Variants in SPAG16 observed in about 807,000 individuals in gnomAD.
SPAG16 encodes the protein sperm-associated antigen 16 protein.
SPAG16 carries 86 observed loss-of-function variants against 80.4 expected under a neutral mutation model. That is an observed-to-expected ratio of 1.07 (90% CI 0.90 to 1.28). SPAG16 has a LOEUF of 1.28. Ranked by LOEUF, SPAG16 falls within the 50% of genes most tolerant of loss-of-function variation. The pLI, the probability that SPAG16 is intolerant of heterozygous loss-of-function variation, is 0.00. For synonymous variants in SPAG16, 294 were observed against 265.9 expected, an observed-to-expected ratio of 1.11 and a Z score of -1.03; for missense variants, 870 against 765.3, an observed-to-expected ratio of 1.14 and a Z score of -1.61.
At chr2:214,399,859 T>C (rs757182323) in intron 15 of SPAG16, among the ~76,000 whole-genome samples, 1 of 152,092 alleles carries the variant, frequency 6.6e-6, no homozygotes. Flanking sequence ...TCCTCTGTTA[T>C]CAGCAAAAGC....
chr2:213,951,488 C>A (rs1315990403), intron 12 of SPAG16, among the ~76,000 whole-genome samples: 2 of 152,014 alleles, frequency 1.3e-5, no homozygotes, highest in Non-Finnish European at 2.9e-5. Context: ...CTCCTGTTCT[C>A]AATTTAAATA....
intron 12 of SPAG16, among the ~76,000 whole-genome samples, chr2:214,012,833 T>C (rs894877922): frequency 1.4e-4 from 21 of 152,222 alleles, no homozygotes; most frequent in Admixed American, 6.5e-5. Flanking sequence ...TATCCCTTTC[T>C]TCTGGGTCAT....
At chr2:213,482,541 T>C (rs1056151312) in intron 9 of SPAG16, among the ~76,000 whole-genome samples, 1 of 152,290 alleles carries the variant, frequency 6.6e-6, no homozygotes, top group Admixed American at 6.5e-5. Context: ...TTCTAATTTT[T>C]TATTTAGAAT....
chr2:213,649,591 T>G (rs149387716), intron 10 of SPAG16, among the ~76,000 whole-genome samples: 17 of 152,308 alleles, frequency 1.1e-4, no homozygotes, highest in African/African-American at 3.4e-4. Context: ...TATTTATTTA[T>G]TTTGAGACAG....
At chr2:213,954,628 A>G (rs2044024119) in intron 12 of SPAG16, among the ~76,000 whole-genome samples, 1 of 152,116 alleles carries the variant, frequency 6.6e-6, no homozygotes, top group South Asian at 2.1e-4. Flanking sequence ...TAAGCCCTGC[A>G]TACATTAGGT....
intron 9 of SPAG16, among the ~76,000 whole-genome samples, chr2:213,442,521 C>A (rs2071034107): frequency 6.6e-6 from 1 of 152,058 alleles, no homozygotes; most frequent in African/African-American, 2.4e-5. Context: ...TCAAGACTTA[C>A]TATAAAATTA....
intron 10 of SPAG16, among the ~76,000 whole-genome samples, chr2:213,673,840 A>G (rs957064952): frequency 4.6e-5 from 7 of 152,174 alleles, no homozygotes; most frequent in African/African-American, 1.7e-4. Flanking sequence ...AATAAATGCT[A>G]TCACTTTAAC....
At chr2:213,326,204 T>G (rs1394351393) in intron 5 of SPAG16, among the ~76,000 whole-genome samples, 1 of 152,012 alleles carries the variant, frequency 6.6e-6, no homozygotes, top group Non-Finnish European at 1.5e-5. Flanking sequence ...ACATACTTTA[T>G]TTTACAATCT....
chr2:213,699,431 G>A (rs2065307639), intron 10 of SPAG16, among the ~76,000 whole-genome samples: 1 of 152,122 alleles, frequency 6.6e-6, no homozygotes, highest in African/African-American at 2.4e-5. Flanking sequence ...AGGCCTGCAG[G>A]CCTTTCTTAA....
chr2:213,594,046 A>C (rs1370457100), intron 10 of SPAG16, among the ~76,000 whole-genome samples: 2 of 151,814 alleles, frequency 1.3e-5, no homozygotes, highest in Non-Finnish European at 2.9e-5. Context: ...AAGTGCTGGG[A>C]TTACAGGCGT....
intron 10 of SPAG16, among the ~76,000 whole-genome samples, chr2:213,588,528 C>T (rs13428777): frequency 4.7e-5 from 7 of 150,212 alleles, no homozygotes; most frequent in Non-Finnish European, 8.9e-5. Context: ...CATGGCCGGG[C>T]GCGGTGGCTC....
At chr2:213,364,644 C>A (rs759712507) in intron 8 of SPAG16, 1 of 152,212 alleles carries the variant, frequency 6.6e-6, no homozygotes, top group South Asian at 2.1e-4. Flanking sequence ...CTTTTGAAGC[C>A]ACTGGAATCT....
At chr2:213,558,609 T>C in intron 10 of SPAG16, among the ~76,000 whole-genome samples, 1 of 152,064 alleles carries the variant, frequency 6.6e-6, no homozygotes, top group East Asian at 1.9e-4. Context: ...AAAAGAAACT[T>C]TATCCTCAAG....
chr2:213,946,387 A>C (rs985735896), intron 12 of SPAG16, among the ~76,000 whole-genome samples: 2 of 152,036 alleles, frequency 1.3e-5, no homozygotes, highest in Non-Finnish European at 2.9e-5. Context: ...TGCTGGGATT[A>C]CAGGCGTGAG....
intron 10 of SPAG16, among the ~76,000 whole-genome samples, chr2:213,676,972 T>A (rs1410732311): frequency 6.6e-6 from 1 of 151,820 alleles, no homozygotes. Flanking sequence ...CAGTTCCTCC[T>A]TGTACCTCTG....
intron 7 of SPAG16, among the ~76,000 whole-genome samples, chr2:213,359,423 G>T (rs561619267): frequency 1.3e-5 from 2 of 152,218 alleles, no homozygotes; most frequent in South Asian, 2.1e-4. Flanking sequence ...AGCTGCGGTG[G>T]GCTCCTCCAG....
intron 10 of SPAG16, among the ~76,000 whole-genome samples, chr2:213,504,721 A>T (rs907814027): frequency 6.6e-6 from 1 of 152,216 alleles, no homozygotes; most frequent in East Asian, 1.9e-4. Context: ...TTCTATGAAG[A>T]TGTAAGAAAG....
At chr2:213,476,158 A>G (rs2073368059) in intron 9 of SPAG16, among the ~76,000 whole-genome samples, 1 of 152,228 alleles carries the variant, frequency 6.6e-6, no homozygotes, top group Non-Finnish European at 1.5e-5. Context: ...GCTTGCAAAA[A>G]CACTTGTAAC....
At chr2:213,902,538 C>G (rs181694632) in intron 11 of SPAG16, among the ~76,000 whole-genome samples, 85 of 152,254 alleles carry the variant, frequency 5.6e-4, no homozygotes, top group African/African-American at 1.8e-3. Context: ...TATGGGGGAA[C>G]CACCCCCATG....
Sources: gnomAD v4.1 joint callset for allele counts (sites outside exome capture counted in the v4.1 genomes callset) on GRCh38, gnomAD v4.1.1 for gene constraint, MANE v1.5 for transcripts, NCBI Gene and HGNC (gene_info 2026-07-23, HGNC 2026-07-21) for gene names.